CCDC110: variants seen among roughly 807,000 people sequenced by gnomAD.
CCDC110 encodes coiled-coil domain-containing protein 110.
In CCDC110, 70 loss-of-function variants were observed where a neutral mutation model predicts 77.1. The ratio of observed to expected loss-of-function variants is 0.91; its 90% CI spans 0.75 to 1.11. CCDC110 has a LOEUF of 1.11. CCDC110 is among the 50% of genes least tolerant of loss of function. CCDC110 has a pLI of 0.00. For synonymous variants in CCDC110, 295 were observed against 312.5 expected (o/e 0.94, Z 0.59); for missense variants, 868 against 942.9 (o/e 0.92, Z 1.04).
chr4:185,454,305 A>G (rs2095633115), intron 6 of CCDC110, among the ~76,000 whole-genome samples: 1 of 152,254 alleles, frequency 6.6e-6, no homozygotes. Context: ...GGGGCAGGCT[A>G]TAAGCCTATG....
chr4:185,467,233 T>G (rs1376013305), intron 2 of CCDC110, among the ~76,000 whole-genome samples: 1 of 152,246 alleles, frequency 6.6e-6, no homozygotes, highest in East Asian at 1.9e-4. Flanking sequence ...AAAGTTCAGA[T>G]GATTCTGCAC....
intron 2 of CCDC110, among the ~76,000 whole-genome samples, chr4:185,464,030 T>A (rs775238144): frequency 1.3e-5 from 2 of 152,202 alleles, no homozygotes; most frequent in Non-Finnish European, 2.9e-5. Context: ...GACTCTATCA[T>A]GTTTGCAAAT....
intron 6 of CCDC110, among the ~76,000 whole-genome samples, chr4:185,454,484 C>T (rs181752607): frequency 8.6e-5 from 13 of 152,010 alleles, no homozygotes; most frequent in East Asian, 6.0e-4. Context: ...GAGGCTGAGG[C>T]GGGAGGATCA....
chr4:185,457,260 T>C (rs1262333128), intron 6 of CCDC110: 1 of 456,284 alleles, frequency 2.2e-6, no homozygotes, highest in South Asian at 1.5e-5. Flanking sequence ...AGAACAGGTG[T>C]GCTTGCAACC....
intron 6 of CCDC110, among the ~76,000 whole-genome samples, chr4:185,454,599 A>G (rs1056361354): frequency 2.6e-5 from 4 of 151,926 alleles, no homozygotes; most frequent in Admixed American, 6.5e-5. Context: ...CTGTAGTCCC[A>G]GCTACTCAGG....
Position 185,445,325 on chromosome 4 carries a change from C to G in CCDC110, c.*177G>C. ...AGTTCTCCCCCATCTTCTGAAATTC[C>G]CAGCTGAGAAAGCTTAAGTTATCTG... On this transcript the variant is annotated 3_prime_UTR_variant, in exon 7 of 7. Coordinates refer to ENST00000307588, the MANE Select transcript of CCDC110 (RefSeq NM_152775.4). The G allele has an allele frequency of 1.4e-6, 1 of 719,024 alleles. No individual in the cohort carries two copies. Among genetic ancestry groups the G allele is most frequent in the Non-Finnish European group, 2.2e-6 (1 of 445,908 alleles). The allele number at this position is 719,024 out of a possible 1,614,324, so 44.5% of individuals were successfully genotyped here. A position where few individuals can be genotyped will look rare whatever the true frequency, so the allele number is the denominator to read the frequency against.
chr4:185,463,398 G>C (rs1036788001), intron 2 of CCDC110, among the ~76,000 whole-genome samples: 5 of 152,172 alleles, frequency 3.3e-5, no homozygotes, highest in Non-Finnish European at 5.9e-5. Context: ...CCTTGGCAAA[G>C]TAGTATACAG....
chr4:185,449,499 G>C, intron 6 of CCDC110: 1 of 738,390 alleles, frequency 1.4e-6, no homozygotes, highest in Non-Finnish European at 2.2e-6. Context: ...CTCCAGCCTG[G>C]GCAACAGAGC....
At chr4:185,448,266 C>T (rs559555572) in intron 6 of CCDC110, among the ~76,000 whole-genome samples, 18 of 152,178 alleles carry the variant, frequency 1.2e-4, no homozygotes, top group Admixed American at 3.9e-4. Flanking sequence ...GGTGATCCGC[C>T]CGCCTCAGCC....
chr4:185,470,849 C>G, intron 2 of CCDC110, 96 bp downstream of exon 2: 2 of 897,072 alleles, frequency 2.2e-6, no homozygotes, highest in Non-Finnish European at 3.8e-6. Context: ...CGTGTCATCA[C>G]GGCCGTGGGA....
intron 5 of CCDC110, 27 bp from the exon 6 acceptor site, chr4:185,460,265 A>C: frequency 6.7e-7 from 1 of 1,501,244 alleles, no homozygotes; most frequent in Non-Finnish European, 9.0e-7. Context: ...TACACTATAA[A>C]TGTATTGTCA....
chr4:185,448,314 G>A (rs1217920979), intron 6 of CCDC110, among the ~76,000 whole-genome samples: 1 of 152,168 alleles, frequency 6.6e-6, no homozygotes, highest in Non-Finnish European at 1.5e-5. Flanking sequence ...GATTACAGGC[G>A]TGAGCCACTG....
intron 3 of CCDC110, 99 bp from the exon 4 acceptor site, chr4:185,462,807 G>T: frequency 8.6e-7 from 1 of 1,166,512 alleles, no homozygotes; most frequent in Non-Finnish European, 1.3e-6. Flanking sequence ...CCTATTACTT[G>T]AAAAGATCCC....
At chr4:185,465,468 C>T (rs570478875) in intron 2 of CCDC110, among the ~76,000 whole-genome samples, 7 of 152,186 alleles carry the variant, frequency 4.6e-5, no homozygotes, top group Admixed American at 2.6e-4. Context: ...TTGGCCTCAC[C>T]GTGATTGCAC....
chr4:185,452,900 A>C (rs1580171564), intron 6 of CCDC110, among the ~76,000 whole-genome samples: 1 of 151,514 alleles, frequency 6.6e-6, no homozygotes, highest in South Asian at 2.1e-4. Flanking sequence ...AAAAAAAAAA[A>C]AAAAAAAAAA....
intron 6 of CCDC110, among the ~76,000 whole-genome samples, chr4:185,455,450 T>A: frequency 6.6e-6 from 1 of 152,156 alleles, no homozygotes; most frequent in Non-Finnish European, 1.5e-5. Context: ...AATACCAATC[T>A]AAAGACAACT....
In CCDC110 at chr4:185,459,767, C is replaced by A. The variant is rs773844229; in HGVS notation, c.820G>T (p.Asp274Tyr). The A allele has an allele frequency of 1.9e-6, 3 of 1,613,712 alleles. No homozygotes were observed. In the South Asian group the frequency reaches 3.3e-5, roughly 18 times the overall value. The change falls in exon 6 of 7, where the codon GAT becomes TAT. Residue 274 changes from aspartate (D) to tyrosine (Y), a missense_variant. Asp to Tyr is a radical substitution (Grantham distance 160). Transcript: ENST00000307588. ...NELQTLQTDP[D>Y]VHRNGKYDMS... ...TCATATTTACCATTCCTGTGAACAT[C>A]TGGATCAGTTTGTAAAGTCTGAAGT... is the stretch of plus-strand genomic sequence containing the variant.
chr4:185,447,224 C>CG (rs761227707), intron 6 of CCDC110, among the ~76,000 whole-genome samples: 94 of 151,544 alleles, frequency 6.2e-4, no homozygotes, highest in Admixed American at 1.4e-3. Context: ...CTCTGTCGCC[C>CG]AGGCTGGAAT....
At chr4:185,449,038 G>A (rs1234811963) in intron 6 of CCDC110, among the ~76,000 whole-genome samples, 1 of 152,042 alleles carries the variant, frequency 6.6e-6, no homozygotes, top group Non-Finnish European at 1.5e-5. Context: ...TTTAAAACCA[G>A]TAAACCTTTG....
Sources: gnomAD v4.1 joint callset for allele counts (sites outside exome capture counted in the v4.1 genomes callset) on GRCh38, gnomAD v4.1.1 for gene constraint, MANE v1.5 for transcripts, NCBI Gene and HGNC (gene_info 2026-07-23, HGNC 2026-07-21) for gene names.